The following TREM1 variants were observed in gnomAD, a reference collection of about 807,000 sequenced individuals.
The protein encoded by TREM1 is triggering receptor expressed on monocytes 1.
A neutral mutation model predicts 22.4 loss-of-function variants in TREM1; 16 were observed. The ratio of observed to expected loss-of-function variants is 0.71; its 90% CI spans 0.48 to 1.08. The LOEUF is 1.08. Ranked by LOEUF, TREM1 falls within the 50% of genes least tolerant of loss-of-function variation. The pLI, the probability that TREM1 is intolerant of heterozygous loss-of-function variation, is 0.00. For missense variants in TREM1, 283 were observed against 282.9 expected (o/e 1.00, Z 0.00); for synonymous variants, 110 against 111.6 (o/e 0.99, Z 0.09).
chr6:41,274,818 G>A lies in TREM1; in HGVS notation c.*1307C>T, dbSNP rs764466491. Among the ~76,000 whole-genome samples, 8 of 152,132 alleles carry A rather than the reference G, an allele frequency of 5.3e-5. No homozygotes were observed. Among genetic ancestry groups the A allele is most frequent in the Non-Finnish European group, 8.8e-5 (6 of 68,022 alleles). ...CGTGCAGGGAACTTTTTCCACAGAA[G>A]TGGTGCTCATTGTAAAAATACATTT... On this transcript the variant is annotated 3_prime_UTR_variant, in exon 4 of 4. Transcript: ENST00000244709.
In TREM1 at chr6:41,282,385, G is replaced by A; in HGVS notation, c.406+10C>T. 1 of 1,594,208 alleles carries A rather than the reference G, an allele frequency of 6.3e-7. No homozygotes were observed. On this transcript the variant is annotated intron_variant, in intron 2 of 3. Transcript: ENST00000244709. ...GGCCCTTCTTTCCCCCCAAGTCCCA[G>A]GCCACTCACCCTTGGTCACCACCAA...
chr6:41,279,979 G>A (rs1767838620), intron 3 of TREM1: 1 of 977,972 alleles, frequency 1.0e-6, no homozygotes, highest in Non-Finnish European at 1.2e-6. Flanking sequence ...CAGGCCAATG[G>A]TTATGTAAGT....
chr6:41,271,132 G>A (rs567582054), downstream of TREM1, among the ~76,000 whole-genome samples: 23 of 152,274 alleles, frequency 1.5e-4, no homozygotes, highest in African/African-American at 5.3e-4. Flanking sequence ...CTGAACAGTT[G>A]TAGCTGGCAC....
chr6:41,286,365 C>T (rs1768167734), intron 1 of TREM1, among the ~76,000 whole-genome samples: 1 of 152,214 alleles, frequency 6.6e-6, no homozygotes, highest in African/African-American at 2.4e-5. Flanking sequence ...CCATACTAGG[C>T]TTTGCATGTC....
rs1176768389 is a variant in TREM1 at position 41,276,071 on chromosome 6, A to G, written c.*54T>C. ...ACCTCCTCCCTCCTCCCTTGGCACAACTGCCAGATGGATGTGGCTGGAAGT... is the reference window on the plus strand; with the variant it reads ...ACCTCCTCCCTCCTCCCTTGGCACAGCTGCCAGATGGATGTGGCTGGAAGT... On this transcript the variant is annotated 3_prime_UTR_variant, in exon 4 of 4. Transcript: ENST00000244709. 7.2e-7 allele frequency: 1 copy of G among 1,396,890 alleles called. No homozygotes were observed. The highest frequency in any genetic ancestry group is 1.7e-5 in the Admixed American group (1 of 59,564). 86.5% of individuals were successfully genotyped at this position (1,396,890 alleles called of 1,614,324 possible).
rs200354883 is a variant in TREM1, at chr6:41,282,780, G to C, written c.50-29C>G. On this transcript the variant is annotated intron_variant, in intron 1 of 3. Transcript: ENST00000244709. ...TAAGCAGGGAAAGAGAATGGGTTCT[G>C]TGAGGAATTATTTTTCTCTCTCTGA... 10 of 1,563,104 alleles carry C rather than the reference G, an allele frequency of 6.4e-6. No homozygotes were observed. In the African/African-American group the frequency reaches 9.6e-5, roughly 15 times the overall value.
intron 3 of TREM1, chr6:41,280,105 T>C (rs1767843660): frequency 4.3e-6 from 4 of 934,046 alleles, no homozygotes; most frequent in African/African-American, 1.8e-5. Flanking sequence ...CATGTATAAT[T>C]AGACTTACTG....
chr6:41,282,295 C>A lies in TREM1; in HGVS notation c.406+100G>T. ...AGATAAAGAGGTCCTGGGAGGAAGA[C>A]AGACTGCTGGGAATCCTGAACCCCA... On this transcript the variant is annotated intron_variant, in intron 2 of 3. Coordinates refer to ENST00000244709, the MANE Select transcript of TREM1 (RefSeq NM_018643.5). 27 of 928,828 alleles carry A rather than the reference C, an allele frequency of 2.9e-5. 1 individual carries two copies. In the South Asian group the frequency reaches 4.1e-4, roughly 14 times the overall value. The allele number at this position is 928,828 out of a possible 1,614,324, so 57.5% of individuals were successfully genotyped here.
intron 1 of TREM1, among the ~76,000 whole-genome samples, chr6:41,285,829 G>T (rs1035180785): frequency 6.6e-6 from 1 of 152,232 alleles, no homozygotes; most frequent in Non-Finnish European, 1.5e-5. Flanking sequence ...CTTCAAGGCA[G>T]TTGTCCATGA....
downstream of TREM1, among the ~76,000 whole-genome samples, chr6:41,268,917 GA>G (rs1171500306): frequency 2.0e-5 from 3 of 152,150 alleles, no homozygotes; most frequent in Non-Finnish European, 4.4e-5. Flanking sequence ...CAAGAACCGG[GA>G]AGTTATTTTA....
chr6:41,277,785 C>T (rs1767729321), intron 3 of TREM1, among the ~76,000 whole-genome samples: 1 of 152,138 alleles, frequency 6.6e-6, no homozygotes, highest in South Asian at 2.1e-4. Flanking sequence ...CAAGACTGAG[C>T]CAGAGTTATC....
intron 1 of TREM1, 39 bp downstream of exon 1, chr6:41,286,568 C>A (rs1768179822): frequency 1.2e-6 from 2 of 1,612,424 alleles, no homozygotes; most frequent in East Asian, 2.2e-5. Flanking sequence ...AGATCCTGGA[C>A]CAAACGCCTC....
In TREM1 at chr6:41,276,060, C is replaced by A; in HGVS notation, c.*65G>T. ...CCCTGCCTTTTACCTCCTCCCTCCT[C>A]CCTTGGCACAACTGCCAGATGGATG... On this transcript the variant is annotated 3_prime_UTR_variant, in exon 4 of 4. Transcript: ENST00000244709. 8.0e-7 allele frequency: 1 copy of A among 1,253,448 alleles called. No homozygotes were observed. Among genetic ancestry groups the A allele is most frequent in the South Asian group, 1.2e-5 (1 of 83,712 alleles). The allele number at this position is 1,253,448 out of a possible 1,614,324, so 77.6% of individuals were successfully genotyped here. A position where few individuals can be genotyped will look rare whatever the true frequency, so the allele number is the denominator to read the frequency against.
At chr6:41,278,687 GCTT>G (rs1228410778) in intron 3 of TREM1, among the ~76,000 whole-genome samples, 1 of 151,912 alleles carries the variant, frequency 6.6e-6, no homozygotes, top group Non-Finnish European at 1.5e-5. Context: ...AAGAAAAAAA[GCTT>G]CTTCTTTTCA....
intron 1 of TREM1, 27 bp downstream of exon 1, chr6:41,286,580 C>T (rs1391029618): frequency 1.9e-6 from 3 of 1,613,616 alleles, no homozygotes; most frequent in Admixed American, 1.7e-5. Context: ...AAACGCCTCC[C>T]CTGCTCAGTC....
In TREM1 at chr6:41,281,075, A is replaced by G. The variant is rs760306243; in HGVS notation, c.485T>C (p.Leu162Ser). The G allele has an allele frequency of 6.2e-7, 1 of 1,614,162 alleles. No individual in the cohort carries two copies. The highest frequency in any genetic ancestry group is 8.5e-7 in the Non-Finnish European group (1 of 1,180,014). ...TCTGGGGCTGGTATAGAGTGGGCAC[A>G]AGGCCTTAGTGGTGGTAGGAGGAAT... ...YKIPPTTTKA[L>S]CPLYTSPRTV... The change falls in exon 3 of 4, where the codon TTG (leucine) becomes TCG (serine). Residue 162 changes from leucine (L) to serine (S), a missense_variant. Transcript: ENST00000244709.
chr6:41,283,672 A>T (rs1768027992), intron 1 of TREM1, among the ~76,000 whole-genome samples: 2 of 151,594 alleles, frequency 1.3e-5, no homozygotes, highest in African/African-American at 2.4e-5. Flanking sequence ...AGATCACAAC[A>T]CTGCACTCCA....
Position 41,280,512 on chromosome 6 carries a change from C to A in TREM1, c.599+449G>T, listed in dbSNP as rs938606271. On this transcript the variant is annotated intron_variant, in intron 3 of 3. Coordinates refer to ENST00000244709, the MANE Select transcript of TREM1 (RefSeq NM_018643.5). ...TTATTAGGTGGACAATGTCTTCCAG[C>A]TTTGGGTTTCTACCATGCCTACTGA... 4 of 1,044,818 alleles carry A rather than the reference C, an allele frequency of 3.8e-6. No homozygotes were observed. In the East Asian group the frequency reaches 3.1e-4, roughly 81 times the overall value. 64.7% of individuals were successfully genotyped at this position (1,044,818 alleles called of 1,614,324 possible).
intron 3 of TREM1, among the ~76,000 whole-genome samples, 167 bp from the exon 4 acceptor site, chr6:41,276,397 A>G (rs1767673062): frequency 6.6e-6 from 1 of 152,140 alleles, no homozygotes; most frequent in African/African-American, 2.4e-5. Context: ...ATTGCCAAAA[A>G]CTACTGATTA....
Sources: allele counts gnomAD v4.1 joint callset (sites outside exome capture counted in the v4.1 genomes callset), GRCh38; gene constraint gnomAD v4.1.1; transcripts MANE v1.5; gene names NCBI Gene and HGNC (gene_info 2026-07-23, HGNC 2026-07-21).